Variants in AP1S3 observed in about 807,000 individuals in gnomAD.
AP1S3 encodes the protein adaptor related protein complex 1 subunit sigma 3.
In AP1S3, 10 loss-of-function variants were observed where a neutral mutation model predicts 20.9. The observed-to-expected ratio is 0.48, with a 90% confidence interval of 0.29 to 0.81. AP1S3 has a LOEUF of 0.81. AP1S3 is among the 30% of genes least tolerant of loss of function. The probability of loss-of-function intolerance (pLI) is 0.08; values close to 1 mark genes in which losing one functional copy is unlikely to be tolerated. For synonymous variants in AP1S3, 41 were observed against 61.5 expected (o/e 0.67, Z 1.56); for missense variants, 154 against 183.8 (o/e 0.84, Z 0.94).
rs951290922 is a variant in AP1S3 at position 223,758,320 on chromosome 2, ACAT to A, written c.*392_*394del. Reference sequence around the variant, plus strand: ...TAAACATTTAGAAAAAGTATTAATGACATCATATATACTTTACATTCAAAATCA... The same window carrying A: ...TAAACATTTAGAAAAAGTATTAATGACATATATACTTTACATTCAAAATCA... On this transcript the variant is annotated 3_prime_UTR_variant, in exon 5 of 5. Coordinates refer to ENST00000396654, the MANE Select transcript of AP1S3 (RefSeq NM_001039569.2). The A allele has an allele frequency of 7.1e-6, 7 of 983,472 alleles. No individual in the cohort carries two copies. The highest frequency in any genetic ancestry group is 5.2e-5 in the African/African-American group (3 of 57,404). The allele number at this position is 983,472 out of a possible 1,614,324, so 60.9% of individuals were successfully genotyped here. A position where few individuals can be genotyped will look rare whatever the true frequency, so the allele number is the denominator to read the frequency against.
intron 4 of AP1S3, among the ~76,000 whole-genome samples, chr2:223,760,012 T>G (rs1242482491): frequency 6.6e-6 from 1 of 152,130 alleles, no homozygotes; most frequent in African/African-American, 2.4e-5. Flanking sequence ...CCATAATATT[T>G]TTTTTCAGCA....
At chr2:223,795,933 GT>G (rs1691326988) in intron 1 of AP1S3, among the ~76,000 whole-genome samples, 1 of 152,174 alleles carries the variant, frequency 6.6e-6, no homozygotes, top group Non-Finnish European at 1.5e-5. Context: ...AGCACTTTGG[GT>G]GGCCGAGGTG....
chr2:223,802,580 C>T (rs914614842), intron 1 of AP1S3, among the ~76,000 whole-genome samples: 2 of 152,132 alleles, frequency 1.3e-5, no homozygotes, highest in African/African-American at 4.8e-5. Context: ...GCTGTGATTA[C>T]AGGTGTGAGC....
At chr2:223,769,700 AAG>A (rs1394547634) in intron 3 of AP1S3, among the ~76,000 whole-genome samples, 16 of 152,182 alleles carry the variant, frequency 1.1e-4, no homozygotes, top group African/African-American at 3.9e-4. Flanking sequence ...GAGGAAAAAA[AAG>A]AAAGTTGCAG....
At chr2:223,792,540 TG>T (rs1691235586) in intron 1 of AP1S3, among the ~76,000 whole-genome samples, 1 of 152,188 alleles carries the variant, frequency 6.6e-6, no homozygotes, top group South Asian at 2.1e-4. Flanking sequence ...AGATTGAAAC[TG>T]GGCTCCTTCC....
At chr2:223,771,458 C>T (rs1180049742) in intron 3 of AP1S3, among the ~76,000 whole-genome samples, 2 of 152,108 alleles carry the variant, frequency 1.3e-5, no homozygotes, top group Non-Finnish European at 2.9e-5. Flanking sequence ...ATGCAAATAC[C>T]CCGGCTTCTT....
At chr2:223,812,912 A>G (rs539864586) in intron 1 of AP1S3, among the ~76,000 whole-genome samples, 1 of 151,872 alleles carries the variant, frequency 6.6e-6, no homozygotes, top group Admixed American at 6.6e-5. Flanking sequence ...TCATGTTGCC[A>G]TTTTGTGTGG....
At chr2:223,828,936 G>A (rs13402515) in intron 1 of AP1S3, among the ~76,000 whole-genome samples, 48,982 of 152,034 alleles carry the variant, frequency 0.32, 8,326 homozygotes, top group Middle Eastern at 0.42. Context: ...TCCACCCTCC[G>A]GGTTCAAGCG....
chr2:223,788,719 G>T (rs840355), intron 1 of AP1S3, among the ~76,000 whole-genome samples: 72,097 of 148,898 alleles, frequency 0.48, 18,043 homozygotes, highest in African/African-American at 0.61. Flanking sequence ...AGCCAAGATT[G>T]TGCCACTGCA....
At chr2:223,789,286 T>A (rs1197181975) in intron 1 of AP1S3, among the ~76,000 whole-genome samples, 1 of 151,920 alleles carries the variant, frequency 6.6e-6, no homozygotes, top group African/African-American at 2.4e-5. Flanking sequence ...GTTTCCTTTT[T>A]AAAAAAGAGA....
chr2:223,770,927 A>T (rs73083383), intron 3 of AP1S3, among the ~76,000 whole-genome samples: 40,033 of 151,062 alleles, frequency 0.27, 8,645 homozygotes, highest in East Asian at 0.58. Context: ...AGAGACAGGG[A>T]TTCACCATGT....
At chr2:223,779,954 C>T (rs1203151938) in intron 1 of AP1S3, among the ~76,000 whole-genome samples, 2 of 151,502 alleles carry the variant, frequency 1.3e-5, no homozygotes, top group Non-Finnish European at 2.9e-5. Context: ...GCAACAAGAG[C>T]GAAACTCCGT....
intron 3 of AP1S3, among the ~76,000 whole-genome samples, chr2:223,773,724 G>A (rs577668194): frequency 2.2e-5 from 2 of 92,910 alleles, no homozygotes; most frequent in East Asian, 9.1e-4. Flanking sequence ...TTCCATTAAA[G>A]AGAATAACAA....
chr2:223,811,932 T>C (rs1001105408), intron 1 of AP1S3, among the ~76,000 whole-genome samples: 2 of 152,242 alleles, frequency 1.3e-5, no homozygotes, highest in African/African-American at 4.8e-5. Context: ...CAGTTCTACA[T>C]GTTTATGTAA....
intron 4 of AP1S3, among the ~76,000 whole-genome samples, chr2:223,761,685 C>T (rs1690358783): frequency 6.6e-6 from 1 of 152,188 alleles, no homozygotes; most frequent in Admixed American, 6.5e-5. Context: ...CATCAGCCTT[C>T]TGAGTAGCTG....
At chr2:223,825,489 G>T (rs1047992733) in intron 1 of AP1S3, among the ~76,000 whole-genome samples, 27 of 151,994 alleles carry the variant, frequency 1.8e-4, no homozygotes, top group African/African-American at 5.8e-4. Context: ...TGAAGGCGGG[G>T]TCATCCCACC....
At chr2:223,760,742 T>A (rs1252249256) in intron 4 of AP1S3, among the ~76,000 whole-genome samples, 1 of 152,260 alleles carries the variant, frequency 6.6e-6, no homozygotes, top group Non-Finnish European at 1.5e-5. Flanking sequence ...CCACAGATTG[T>A]GAATTTTGAA....
chr2:223,768,126 C>T (rs572314483), intron 3 of AP1S3, among the ~76,000 whole-genome samples: 1 of 152,326 alleles, frequency 6.6e-6, no homozygotes, highest in African/African-American at 2.4e-5. Flanking sequence ...TCTTTACCAG[C>T]CTGGGCCCTG....
At chr2:223,809,601 G>A (rs1352502756) in intron 1 of AP1S3, among the ~76,000 whole-genome samples, 3 of 151,728 alleles carry the variant, frequency 2.0e-5, no homozygotes, top group Non-Finnish European at 4.4e-5. Context: ...TCGAGATCGC[G>A]CCACTGCACT....
Sources: allele counts gnomAD v4.1 joint callset (sites outside exome capture counted in the v4.1 genomes callset), GRCh38; gene constraint gnomAD v4.1.1; transcripts MANE v1.5; gene names NCBI Gene and HGNC (gene_info 2026-07-23, HGNC 2026-07-21).